HIGD1A: variants seen among roughly 807,000 people sequenced by gnomAD.
The protein encoded by HIGD1A is HIG1 hypoxia inducible domain family member 1A.
In HIGD1A, 8 loss-of-function variants were observed where a neutral mutation model predicts 11.3. The observed-to-expected ratio is 0.71, with a 90% confidence interval of 0.42 to 1.28. The LOEUF is 1.28. Ranked by LOEUF, HIGD1A falls within the 50% of genes most tolerant of loss-of-function variation. The pLI, the probability that HIGD1A is intolerant of heterozygous loss-of-function variation, is 0.01. For synonymous variants in HIGD1A, 32 were observed against 38.4 expected (o/e 0.83, Z 0.62); for missense variants, 107 against 118.8 (o/e 0.90, Z 0.46).
chr3:42,804,127 C>G, intron 1 of HIGD1A: 1 of 1,593,254 alleles, frequency 6.3e-7, no homozygotes, highest in Non-Finnish European at 8.6e-7. Context: ...GCCCCCGTCT[C>G]TCATTACCAC....
At chr3:42,801,777 C>G (rs988806602) in intron 1 of HIGD1A, among the ~76,000 whole-genome samples, 1 of 152,206 alleles carries the variant, frequency 6.6e-6, no homozygotes, top group Non-Finnish European at 1.5e-5. Context: ...CTTTTAAAAA[C>G]TAAAAACTTC....
chr3:42,791,468 T>C (rs1257919557), intron 2 of HIGD1A, among the ~76,000 whole-genome samples: 1 of 152,166 alleles, frequency 6.6e-6, no homozygotes, highest in African/African-American at 2.4e-5. Flanking sequence ...GAATGACCAA[T>C]ACATATGAAA....
In HIGD1A at chr3:42,804,357, C is replaced by T. The variant is rs538105281; in HGVS notation, c.-23+79G>A. 98 of 632,434 alleles carry T rather than the reference C, an allele frequency of 1.5e-4. No individual in the cohort carries two copies. The African/African-American group carries it at 1.7e-3, about 11-fold the overall frequency. The allele number at this position is 632,434 out of a possible 1,614,324, so 39.2% of individuals were successfully genotyped here. ...CCCCCACCCCCAAAGTCCTTTCGGCCTGGCCAAGCGCTGCCCCACTTCTTC... is the reference window on the plus strand; with the variant it reads ...CCCCCACCCCCAAAGTCCTTTCGGCTTGGCCAAGCGCTGCCCCACTTCTTC... On this transcript the variant is annotated intron_variant, in intron 1 of 3. Coordinates refer to ENST00000321331, the MANE Select transcript of HIGD1A (RefSeq NM_014056.4).
intron 2 of HIGD1A, 23 bp from the exon 3 acceptor site, chr3:42,786,185 T>C (rs998400159): frequency 1.5e-5 from 25 of 1,613,454 alleles, no homozygotes; most frequent in South Asian, 4.4e-5. Context: ...GTAACAAGTA[T>C]GTCAGATGCA....
At position 42,786,028 on chromosome 3, in the gene HIGD1A, C is replaced by T; in HGVS notation, c.232G>A (p.Gly78Ser). The change falls in exon 3 of 4, where the codon GGT becomes AGT. Residue 78 changes from glycine to serine, a missense_variant and splice_region_variant. Physicochemically the swap from Gly to Ser is moderately conservative, Grantham distance 56. Coordinates refer to ENST00000321331, the MANE Select transcript of HIGD1A (RefSeq NM_014056.4). The part of the protein sequence containing the change: ...QGFVVGAMTV[G>S]MGYSMYREFW... ...TTTGAAATTTCCTATAGGAACCTAC[C>T]AACAGTCATTGCTCCTACAACAAAG... 1 of 1,612,104 alleles carries T rather than the reference C, an allele frequency of 6.2e-7. No individual in the cohort carries two copies. The highest frequency in any genetic ancestry group is 8.5e-7 in the Non-Finnish European group (1 of 1,179,820).
intron 1 of HIGD1A, among the ~76,000 whole-genome samples, chr3:42,802,825 T>G (rs568994959): frequency 6.6e-6 from 1 of 152,322 alleles, no homozygotes; most frequent in African/African-American, 2.4e-5. Flanking sequence ...TTCTTTTGAT[T>G]GACGATATAT....
chr3:42,801,337 A>C (rs964400675), intron 1 of HIGD1A, among the ~76,000 whole-genome samples: 4 of 152,152 alleles, frequency 2.6e-5, no homozygotes, highest in African/African-American at 9.7e-5. Context: ...TAAGTTCGTA[A>C]GTGCTTTGGT....
intron 2 of HIGD1A, among the ~76,000 whole-genome samples, chr3:42,787,299 GA>G (rs888827733): frequency 3.3e-5 from 5 of 150,942 alleles, no homozygotes; most frequent in Middle Eastern, 3.4e-3. Context: ...TCATAAGGAG[GA>G]AAAAAAAATT....
At position 42,786,013 on chromosome 3, in the gene HIGD1A, C is replaced by T; in HGVS notation, c.232+15G>A. The stretch of plus-strand genomic sequence containing the variant: ...AATGAGAAACGAAAATTTGAAATTT[C>T]CTATAGGAACCTACCAACAGTCATT... On this transcript the variant is annotated intron_variant, in intron 3 of 3. Coordinates refer to ENST00000321331, the MANE Select transcript of HIGD1A (RefSeq NM_014056.4). 6.2e-7 allele frequency: 1 copy of T among 1,610,936 alleles called. No homozygotes were observed.
intron 2 of HIGD1A, among the ~76,000 whole-genome samples, chr3:42,788,003 G>A (rs1487433347): frequency 1.2e-4 from 11 of 95,356 alleles, no homozygotes; most frequent in Admixed American, 4.3e-4. Flanking sequence ...CAATCAAAAC[G>A]TAAAACAACC....
chr3:42,795,002 T>C (rs921171290), intron 1 of HIGD1A, among the ~76,000 whole-genome samples: 1 of 152,200 alleles, frequency 6.6e-6, no homozygotes, highest in South Asian at 2.1e-4. Context: ...TTTTTTTTCT[T>C]TTTTGAGACT....
chr3:42,789,371 A>T (rs768469874), intron 2 of HIGD1A, among the ~76,000 whole-genome samples: 1 of 152,004 alleles, frequency 6.6e-6, no homozygotes, highest in East Asian at 1.9e-4. Context: ...TTGCTTTTAC[A>T]TAAGAAAATC....
At chr3:42,804,409 C>T (rs1287277902) in intron 1 of HIGD1A, 27 bp downstream of exon 1, 7 of 513,776 alleles carry the variant, frequency 1.4e-5, no homozygotes, top group Non-Finnish European at 2.1e-5. Flanking sequence ...GTCCCTGGCT[C>T]GCAGTCCCCC....
chr3:42,786,185 T>A lies in HIGD1A; in HGVS notation c.98-23A>T, dbSNP rs998400159. 2.5e-6 allele frequency: 4 copies of A among 1,613,454 alleles called. No individual in the cohort carries two copies. The African/African-American group carries it at 5.3e-5, about 22-fold the overall frequency. On this transcript the variant is annotated intron_variant, in intron 2 of 3. Transcript: ENST00000321331. ...TTCCTGTAAAACAAAGTAACAAGTA[T>A]GTCAGATGCATGAGAAGGGACCAAG...
intron 2 of HIGD1A, among the ~76,000 whole-genome samples, chr3:42,790,464 CG>C (rs1428233469): frequency 3.9e-5 from 6 of 152,122 alleles, no homozygotes; most frequent in Non-Finnish European, 8.8e-5. Context: ...ACCCGGGAGG[CG>C]GAGGTTGCAG....
intron 1 of HIGD1A, among the ~76,000 whole-genome samples, chr3:42,802,288 T>C (rs1700575377): frequency 6.6e-6 from 1 of 152,146 alleles, no homozygotes; most frequent in Non-Finnish European, 1.5e-5. Context: ...CTTGTATGGA[T>C]AGGGCATTTG....
intron 2 of HIGD1A, among the ~76,000 whole-genome samples, chr3:42,787,210 TG>T (rs925343916): frequency 6.6e-6 from 1 of 151,724 alleles, no homozygotes; most frequent in African/African-American, 2.4e-5. Flanking sequence ...AGGAAATAGA[TG>T]AAAAAAACAC....
intron 1 of HIGD1A, among the ~76,000 whole-genome samples, chr3:42,802,736 A>T (rs1345063819): frequency 6.6e-6 from 1 of 152,236 alleles, no homozygotes; most frequent in Non-Finnish European, 1.5e-5. Flanking sequence ...TGAGAGGGTT[A>T]TACGAATTGC....
At chr3:42,788,031 T>C (rs916941903) in intron 2 of HIGD1A, among the ~76,000 whole-genome samples, 1 of 151,364 alleles carries the variant, frequency 6.6e-6, no homozygotes, top group African/African-American at 2.4e-5. Context: ...TACCCCCACC[T>C]CTAACCACTG....
Sources: gnomAD v4.1 joint callset for allele counts (sites outside exome capture counted in the v4.1 genomes callset) on GRCh38, gnomAD v4.1.1 for gene constraint, MANE v1.5 for transcripts, NCBI Gene and HGNC (gene_info 2026-07-23, HGNC 2026-07-21) for gene names.